Variants in BCL11B observed in about 807,000 individuals in gnomAD.
The protein encoded by BCL11B is B-cell lymphoma/leukemia 11B.
In BCL11B, 8 loss-of-function variants were observed where a neutral mutation model predicts 49.9. The observed-to-expected ratio is 0.16, with a 90% confidence interval of 0.09 to 0.29. The LOEUF (loss-of-function observed/expected upper bound fraction) is 0.29. Ranked by LOEUF, BCL11B falls within the 10% of genes least tolerant of loss-of-function variation. The pLI is 1.00. For synonymous variants in BCL11B, 739 were observed against 637.4 expected (o/e 1.16, Z -2.40); for missense variants, 1,006 against 1,351.0 (o/e 0.74, Z 4.00).
intron 3 of BCL11B, among the ~76,000 whole-genome samples, chr14:99,181,190 A>AT (rs1276902779): frequency 2.0e-5 from 3 of 152,192 alleles, no homozygotes; most frequent in Non-Finnish European, 4.4e-5. Flanking sequence ...AGCAGCAAGG[A>AT]GACACCCTCT....
chr14:99,180,396 A>G (rs911530706), intron 3 of BCL11B, among the ~76,000 whole-genome samples: 3 of 152,076 alleles, frequency 2.0e-5, no homozygotes, highest in Non-Finnish European at 2.9e-5. Context: ...GTATCCACTG[A>G]CAGAAACCCA....
rs1886271480 is a variant in BCL11B, at chr14:99,170,988, G to A, written c.*3163C>T. ...CCGCCACAGGAGTGATGGTAGAGAAGGAAGATGTTCTCTCGCTCTCTCTCC... is the reference window on the plus strand; with the variant it reads ...CCGCCACAGGAGTGATGGTAGAGAAAGAAGATGTTCTCTCGCTCTCTCTCC... On this transcript the variant is annotated 3_prime_UTR_variant, in exon 4 of 4. Coordinates refer to ENST00000357195, the MANE Select transcript of BCL11B (RefSeq NM_138576.4). 1 of 232,498 alleles carries A rather than the reference G, an allele frequency of 4.3e-6. No individual in the cohort carries two copies. Among genetic ancestry groups the A allele is most frequent in the Admixed American group, 5.6e-5 (1 of 17,756 alleles). 14.4% of individuals were successfully genotyped at this position (232,498 alleles called of 1,614,324 possible).
At chr14:99,178,548 T>G (rs956148853) in intron 3 of BCL11B, among the ~76,000 whole-genome samples, 7 of 152,234 alleles carry the variant, frequency 4.6e-5, no homozygotes, top group Non-Finnish European at 2.9e-5. Flanking sequence ...CCAGCTTCCC[T>G]GGTTCTGTCC....
At chr14:99,179,565 A>T (rs1352959296) in intron 3 of BCL11B, among the ~76,000 whole-genome samples, 1 of 150,134 alleles carries the variant, frequency 6.7e-6, no homozygotes, top group Non-Finnish European at 1.5e-5. Flanking sequence ...CCATCAGGTG[A>T]GAAGAGCGAT....
In BCL11B at chr14:99,232,554, G is replaced by T. The variant is rs1264445435; in HGVS notation, c.428-997C>A. ...GGCTTTGCCAGGGAGGCCCAGCACA[G>T]GTCTGCACGGGTGGGAGTCTGCCCA... On this transcript the variant is annotated intron_variant, in intron 2 of 3. Coordinates refer to ENST00000357195, the MANE Select transcript of BCL11B (RefSeq NM_138576.4). This position sits in a 1 kb window ranked among gnomAD's most constrained non-coding sequence, Gnocchi z 5.1. Among the ~76,000 whole-genome samples, 2 of 152,198 alleles carry T rather than the reference G, an allele frequency of 1.3e-5. No homozygotes were observed. Among genetic ancestry groups the T allele is most frequent in the Non-Finnish European group, 2.9e-5 (2 of 68,030 alleles).
At chr14:99,254,643 C>T (rs1023747463) in intron 2 of BCL11B, among the ~76,000 whole-genome samples, 6 of 152,192 alleles carry the variant, frequency 3.9e-5, no homozygotes, top group Non-Finnish European at 8.8e-5. Context: ...CCGGGGCCAG[C>T]GAGGCCCTGG....
chr14:99,258,887 C>A (rs763992651), intron 1 of BCL11B, among the ~76,000 whole-genome samples: 1 of 122,362 alleles, frequency 8.2e-6, no homozygotes, highest in African/African-American at 2.8e-5. Flanking sequence ...CGATAGATTT[C>A]TCTTGGGTTT....
At chr14:99,238,247 C>G (rs1328525818) in intron 2 of BCL11B, among the ~76,000 whole-genome samples, 1 of 152,162 alleles carries the variant, frequency 6.6e-6, no homozygotes, top group Non-Finnish European at 1.5e-5. Context: ...ATCGCGTCCC[C>G]CACCGACACT....
intron 3 of BCL11B, among the ~76,000 whole-genome samples, chr14:99,216,885 A>C (rs1887852017): frequency 6.6e-6 from 1 of 152,036 alleles, no homozygotes; most frequent in South Asian, 2.1e-4. Flanking sequence ...ATATGTGCAC[A>C]GATACCATAT....
At chr14:99,244,161 G>A (rs1028266729) in intron 2 of BCL11B, among the ~76,000 whole-genome samples, 20 of 150,928 alleles carry the variant, frequency 1.3e-4, no homozygotes, top group Admixed American at 3.3e-4. Flanking sequence ...GAAATCACGC[G>A]TAATTCTGAT....
At chr14:99,229,397 T>A (rs1888263236) in intron 3 of BCL11B, among the ~76,000 whole-genome samples, 2 of 152,126 alleles carry the variant, frequency 1.3e-5, no homozygotes, top group South Asian at 4.1e-4. Flanking sequence ...GGAAAGCTCA[T>A]TCGACCTCCC....
intron 2 of BCL11B, among the ~76,000 whole-genome samples, chr14:99,245,599 C>A (rs1380709297): frequency 3.3e-5 from 5 of 152,228 alleles, no homozygotes; most frequent in Admixed American, 6.5e-5. Flanking sequence ...CTCATCAGGG[C>A]AATGGCGGCG....
At chr14:99,246,726 G>GT (rs112829860) in intron 2 of BCL11B, among the ~76,000 whole-genome samples, 151,256 of 152,178 alleles carry the variant, frequency 0.99, 75,175 homozygotes, top group East Asian at 1. Context: ...GGGGCCTGAA[G>GT]ACCCCTCGGG....
Position 99,231,278 on chromosome 14 carries a change from C to A in BCL11B, c.640+67G>T. ...TTCCTCCCTGGGTCCCCACCTTGCT[C>A]CAGCGCTGCCCATGGCACACCCCGC... On this transcript the variant is annotated intron_variant, in intron 3 of 3. Transcript: ENST00000357195. This position sits in a 1 kb window ranked among gnomAD's most constrained non-coding sequence, Gnocchi z 8.1. 6.5e-7 allele frequency: 1 copy of A among 1,532,382 alleles called. No individual in the cohort carries two copies. Among genetic ancestry groups the A allele is most frequent in the Non-Finnish European group, 8.8e-7 (1 of 1,132,166 alleles). 94.9% of individuals were successfully genotyped at this position (1,532,382 alleles called of 1,614,324 possible). A position where few individuals can be genotyped will look rare whatever the true frequency, so the allele number is the denominator to read the frequency against.
intron 2 of BCL11B, among the ~76,000 whole-genome samples, chr14:99,233,926 A>G (rs1371075058): frequency 6.6e-6 from 1 of 152,134 alleles, no homozygotes; most frequent in African/African-American, 2.4e-5. Flanking sequence ...CAAGCTCTAC[A>G]GGGCCTCTCT....
In BCL11B at chr14:99,232,262, C is replaced by T. The variant is rs149866762; in HGVS notation, c.428-705G>A. Among the ~76,000 whole-genome samples, 143 of 152,324 alleles carry T rather than the reference C, an allele frequency of 9.4e-4. 1 individual carries two copies. The highest frequency in any genetic ancestry group is 3.3e-3 in the African/African-American group (138 of 41,592). The stretch of plus-strand genomic sequence containing the variant: ...TCTCGGCCTGGCTTGGGAGGCCTCC[C>T]GCCATGTGACAGCAAGGACACAGGG... On this transcript the variant is annotated intron_variant, in intron 2 of 3. Transcript: ENST00000357195. The surrounding 1 kb of genome is among the most constrained non-coding windows in gnomAD (Gnocchi z 5.1).
rs539986322 is a variant in BCL11B at position 99,247,966 on chromosome 14, G to A, written c.427+9505C>T. 1.6e-4 allele frequency among the ~76,000 whole-genome samples: 24 copies of A among 152,328 alleles called. No homozygotes were observed. Among genetic ancestry groups the A allele is most frequent in the Admixed American group, 7.2e-4 (11 of 15,306 alleles). ...AGAGCAGGCGGTCCTGGGCTGGGGG[G>A]CTCACCCTGCCCTTGGCTGCTGCCT... On this transcript the variant is annotated intron_variant, in intron 2 of 3. Coordinates refer to ENST00000357195, the MANE Select transcript of BCL11B (RefSeq NM_138576.4). This position sits in a 1 kb window ranked among gnomAD's most constrained non-coding sequence, Gnocchi z 4.5.
At position 99,271,398 on chromosome 14, in the gene BCL11B, CTCTTCT is replaced by C. The variant is rs1019627361; in HGVS notation, c.-186_-181del. The C allele has an allele frequency of 2.4e-5, 7 of 295,238 alleles. No homozygotes were observed. Among genetic ancestry groups the C allele is most frequent in the Non-Finnish European group, 4.4e-5 (7 of 157,764 alleles). The allele number at this position is 295,238 out of a possible 1,614,324, so 18.3% of individuals were successfully genotyped here. A position where few individuals can be genotyped will look rare whatever the true frequency, so the allele number is the denominator to read the frequency against. Reference sequence around the variant, plus strand: ...CTTCCTCTCTTTCCCTCTCTTCCTCCTCTTCTTCTTCTTTATTTTGCTCTTTCTTCT... The same window carrying C: ...CTTCCTCTCTTTCCCTCTCTTCCTCCTCTTCTTTATTTTGCTCTTTCTTCT... On this transcript the variant is annotated 5_prime_UTR_variant, in exon 1 of 4. Coordinates refer to ENST00000357195, the MANE Select transcript of BCL11B (RefSeq NM_138576.4).
chr14:99,196,439 C>T (rs1184119954), intron 3 of BCL11B, among the ~76,000 whole-genome samples: 2 of 152,220 alleles, frequency 1.3e-5, no homozygotes, highest in African/African-American at 4.8e-5. Flanking sequence ...GCATCCTCCC[C>T]TTCCCCTCCT....
Sources: allele counts gnomAD v4.1 joint callset (sites outside exome capture counted in the v4.1 genomes callset), GRCh38; gene constraint gnomAD v4.1.1; non-coding constraint Gnocchi (gnomAD v3.1); transcripts MANE v1.5; gene names NCBI Gene and HGNC (gene_info 2026-07-23, HGNC 2026-07-21).